Variants in MOBP observed in about 807,000 individuals in gnomAD.
MOBP encodes the protein myelin associated oligodendrocyte basic protein, also known as myelin-associated oligodendrocyte basic protein.
A neutral mutation model predicts 15.0 loss-of-function variants in MOBP; 5 were observed. The ratio of observed to expected loss-of-function variants is 0.33; its 90% CI spans 0.17 to 0.70. The LOEUF is 0.70. MOBP is among the 30% of genes least tolerant of loss of function. The pLI, the probability that MOBP is intolerant of heterozygous loss-of-function variation, is 0.67. For missense variants in MOBP, 188 were observed against 257.8 expected (o/e 0.73, Z 1.85); for synonymous variants, 88 against 99.0 (o/e 0.89, Z 0.66).
At chr3:39,473,943 T>C (rs964157400) in intron 1 of MOBP, among the ~76,000 whole-genome samples, 1 of 152,194 alleles carries the variant, frequency 6.6e-6, no homozygotes, top group African/African-American at 2.4e-5. Context: ...CTTGTATTCT[T>C]GGGCAGGTGT....
At chr3:39,476,656 T>C (rs1229909188) in intron 1 of MOBP, among the ~76,000 whole-genome samples, 1 of 152,218 alleles carries the variant, frequency 6.6e-6, no homozygotes, top group South Asian at 2.1e-4. Context: ...AGTGTGGTTA[T>C]GTGATTCATT....
exon 5 of MOBP, chr3:39,515,217 GC>G (rs34907913): frequency 6.6e-6 from 1 of 152,348 alleles, no homozygotes; most frequent in Non-Finnish European, 1.5e-5. Context: ...CCTTGCAGGA[GC>G]CCCTTTTGGA....
chr3:39,496,217 T>G (rs1478791152), intron 2 of MOBP, among the ~76,000 whole-genome samples: 1 of 151,884 alleles, frequency 6.6e-6, no homozygotes, highest in Non-Finnish European at 1.5e-5. Flanking sequence ...TTTTGTTTTT[T>G]GAGACGGATC....
intron 1 of MOBP, among the ~76,000 whole-genome samples, chr3:39,478,826 T>TC (rs1406759196): frequency 1.3e-5 from 2 of 150,970 alleles, no homozygotes; most frequent in Non-Finnish European, 2.9e-5. Flanking sequence ...TGTCTTTTTT[T>TC]TTCTTCTTCT....
intron 2 of MOBP, among the ~76,000 whole-genome samples, chr3:39,483,985 G>A (rs535998085): frequency 1.3e-5 from 2 of 152,210 alleles, no homozygotes; most frequent in Non-Finnish European, 2.9e-5. Flanking sequence ...CGTTCATTAA[G>A]TGGATGGTGA....
At chr3:39,515,552 A>G (rs2043190677) in exon 5 of MOBP, 2 of 150,784 alleles carry the variant, frequency 1.3e-5, no homozygotes, top group Admixed American at 6.6e-5. Context: ...TCTGCTTTTG[A>G]TTCAGAAGCT....
intron 2 of MOBP, among the ~76,000 whole-genome samples, chr3:39,495,156 G>A (rs2042859573): frequency 6.6e-6 from 1 of 152,160 alleles, no homozygotes; most frequent in Non-Finnish European, 1.5e-5. Flanking sequence ...GTCTTTGCAA[G>A]CACACGTAGA....
At chr3:39,491,563 A>G (rs1255829395) in intron 2 of MOBP, among the ~76,000 whole-genome samples, 2 of 152,198 alleles carry the variant, frequency 1.3e-5, no homozygotes, top group Non-Finnish European at 2.9e-5. Flanking sequence ...CTTAATTTCA[A>G]ATGGACTGGC....
downstream of MOBP, among the ~76,000 whole-genome samples, chr3:39,507,555 C>T (rs965088785): frequency 1.3e-5 from 2 of 152,172 alleles, no homozygotes; most frequent in African/African-American, 4.8e-5. Context: ...AGATAGAGGT[C>T]ATGCCCGAGA....
At chr3:39,468,411 AAAGGACTTTTTAATTCT>A (rs1465019315) in intron 1 of MOBP, among the ~76,000 whole-genome samples, 1 of 152,150 alleles carries the variant, frequency 6.6e-6, no homozygotes, top group Non-Finnish European at 1.5e-5. Flanking sequence ...GAAAACGGGG[AAAGGACTTTTTAATTCT>A]TTGTGAATAA....
At chr3:39,485,920 A>G (rs1203727477) in intron 2 of MOBP, among the ~76,000 whole-genome samples, 3 of 147,458 alleles carry the variant, frequency 2.0e-5, no homozygotes, top group Admixed American at 6.6e-5. Flanking sequence ...TTTTTCTATT[A>G]TTTCCCTGTT....
At chr3:39,520,948 CTT>C (rs561522506), downstream of MOBP, among the ~76,000 whole-genome samples, 1 of 147,580 alleles carries the variant, frequency 6.8e-6, no homozygotes, top group Non-Finnish European at 1.5e-5. Flanking sequence ...GCTCTATATT[CTT>C]TTTTTTTTTT....
intron 1 of MOBP, among the ~76,000 whole-genome samples, chr3:39,474,755 C>T (rs1330804752): frequency 6.6e-6 from 1 of 152,118 alleles, no homozygotes; most frequent in Non-Finnish European, 1.5e-5. Context: ...AGAATTCTCA[C>T]ATAGGTCTGA....
intron 2 of MOBP, among the ~76,000 whole-genome samples, chr3:39,501,460 C>A (rs773650959): frequency 2.0e-5 from 3 of 152,218 alleles, no homozygotes; most frequent in Non-Finnish European, 4.4e-5. Flanking sequence ...TCGGAACCCA[C>A]CTTCTCCAAA....
intron 4 of MOBP, among the ~76,000 whole-genome samples, chr3:39,509,162 T>C (rs2043087737): frequency 6.6e-6 from 1 of 152,294 alleles, no homozygotes; most frequent in East Asian, 1.9e-4. Context: ...GGTTGAAAGA[T>C]GTTTGTTTCC....
At chr3:39,483,562 T>G (rs940346163) in intron 2 of MOBP, among the ~76,000 whole-genome samples, 7 of 152,234 alleles carry the variant, frequency 4.6e-5, no homozygotes, top group African/African-American at 1.7e-4. Context: ...AGTTCTCTTC[T>G]TAAGTCCCCT....
chr3:39,476,444 G>T (rs2042547042), intron 1 of MOBP, among the ~76,000 whole-genome samples: 1 of 152,134 alleles, frequency 6.6e-6, no homozygotes, highest in South Asian at 2.1e-4. Context: ...GTTTATTTCT[G>T]TATTTCTGAC....
intron 2 of MOBP, among the ~76,000 whole-genome samples, chr3:39,488,438 G>A (rs908478833): frequency 7.2e-5 from 11 of 152,144 alleles, no homozygotes; most frequent in African/African-American, 2.7e-4. Context: ...CATCCTGGAT[G>A]TCTGTGCTTC....
chr3:39,524,978 A>C (rs1040107523), downstream of MOBP: 3 of 152,202 alleles, frequency 2.0e-5, no homozygotes, highest in African/African-American at 4.8e-5. Context: ...ACTATGCATA[A>C]ATTTTAACAA....
Sources: gnomAD v4.1 joint callset for allele counts (sites outside exome capture counted in the v4.1 genomes callset) on GRCh38, gnomAD v4.1.1 for gene constraint, MANE v1.5 for transcripts, NCBI Gene and HGNC (gene_info 2026-07-23, HGNC 2026-07-21) for gene names.